The following KDM5A variants were observed in gnomAD, a reference collection of about 807,000 sequenced individuals.
The protein encoded by KDM5A is lysine-specific demethylase 5A.
In KDM5A, 42 loss-of-function variants were observed where a neutral mutation model predicts 193.5. The observed-to-expected ratio is 0.22, with a 90% CI of 0.17 to 0.28. The LOEUF (loss-of-function observed/expected upper bound fraction) is 0.28, where lower values mean the gene tolerates loss of function less well. Among genes scored for constraint, KDM5A ranks in the 10% least tolerant of loss-of-function variants. The pLI, the probability that KDM5A is intolerant of heterozygous loss-of-function variation, is 1.00. For synonymous variants in KDM5A, 796 were observed against 718.1 expected (o/e 1.11, Z -1.73); for missense variants, 1,692 against 2,055.1 (o/e 0.82, Z 3.42).
In KDM5A at chr12:280,061, T is replaced by C. The variant is rs975377063; in HGVS notation, c.*5395A>G. ...GAAATTTCATGGAACTTTAAGGAAA[T>C]ATTAAATCAAGTCTTTCTTCCTACC... On this transcript the variant is annotated 3_prime_UTR_variant, in exon 28 of 28. Coordinates refer to ENST00000399788, the MANE Select transcript of KDM5A (RefSeq NM_001042603.3). 2.3e-5 allele frequency: 5 copies of C among 213,108 alleles called. No homozygotes were observed. The highest frequency in any genetic ancestry group is 1.1e-4 in the African/African-American group (5 of 44,308). 13.2% of individuals were successfully genotyped at this position (213,108 alleles called of 1,614,324 possible). A position where few individuals can be genotyped will look rare whatever the true frequency, so the allele number is the denominator to read the frequency against.
intron 24 of KDM5A, among the ~76,000 whole-genome samples, chr12:298,446 A>T (rs890379204): frequency 2.7e-5 from 4 of 150,808 alleles, no homozygotes; most frequent in African/African-American, 9.8e-5. Context: ...GCACACCTGC[A>T]GCAGAGGGGC....
rs1303801549 is a variant in KDM5A at position 280,752 on chromosome 12, A to T, written c.*4704T>A. 1 of 232,946 alleles carries T rather than the reference A, an allele frequency of 4.3e-6. No individual in the cohort carries two copies. Among genetic ancestry groups the T allele is most frequent in the Non-Finnish European group, 8.5e-6 (1 of 117,898 alleles). The allele number at this position is 232,946 out of a possible 1,614,324, so 14.4% of individuals were successfully genotyped here. ...CAAAGGGATAAACTTCTCAAGAACC[A>T]AAAGTGAGGAAATGTGTTGGTCATC... On this transcript the variant is annotated 3_prime_UTR_variant, in exon 28 of 28. Transcript: ENST00000399788.
rs1031946964 is a variant in KDM5A, at chr12:311,209, A to G, written c.3037-145T>C. ...TAATTCCATCTCTTGAATTAATATA[A>G]CTTCCAATGTCCTATTTTTTAAAGT... is the stretch of plus-strand genomic sequence containing the variant. On this transcript the variant is annotated intron_variant, in intron 20 of 27. Transcript: ENST00000399788. The G allele has an allele frequency of 4.2e-6, 3 of 720,904 alleles. No individual in the cohort carries two copies. In the Admixed American group the frequency reaches 7.6e-5, roughly 18 times the overall value. The allele number at this position is 720,904 out of a possible 1,614,324, so 44.7% of individuals were successfully genotyped here.
intron 14 of KDM5A, among the ~76,000 whole-genome samples, chr12:326,654 G>C (rs1351213446): frequency 6.6e-6 from 1 of 152,136 alleles, no homozygotes; most frequent in Non-Finnish European, 1.5e-5. Context: ...GAGGTCAGGA[G>C]ATCGAGACCA....
At chr12:308,078 G>A in intron 22 of KDM5A, 73 bp from the exon 23 acceptor site, 2 of 1,491,532 alleles carry the variant, frequency 1.3e-6, no homozygotes, top group East Asian at 2.3e-5. Context: ...CCTCAAGGCT[G>A]TGGGATCTTT....
intron 3 of KDM5A, among the ~76,000 whole-genome samples, chr12:380,578 G>A (rs770557691): frequency 1.3e-5 from 2 of 151,972 alleles, no homozygotes; most frequent in African/African-American, 2.4e-5. Context: ...TTAGCTGGGT[G>A]TGGTGGCACA....
intron 3 of KDM5A, among the ~76,000 whole-genome samples, chr12:374,914 G>T (rs1333197994): frequency 6.6e-6 from 1 of 151,998 alleles, no homozygotes; most frequent in African/African-American, 2.4e-5. Flanking sequence ...CCCACTCTCT[G>T]CTGGCTTGCA....
chr12:284,634 TTCTC>T lies in KDM5A; in HGVS notation c.*818_*821del, dbSNP rs1229742193. ...ACGACTGGTCATCATCGTCATCTTC[TTCTC>T]TTTTTTTTTTTGGCAGAAGCCTGGA... is the stretch of plus-strand genomic sequence containing the variant. On this transcript the variant is annotated 3_prime_UTR_variant, in exon 28 of 28. Transcript: ENST00000399788. 1.1e-4 allele frequency: 25 copies of T among 232,826 alleles called. No homozygotes were observed. Among genetic ancestry groups the T allele is most frequent in the African/African-American group, 4.7e-4 (21 of 45,006 alleles). 14.4% of individuals were successfully genotyped at this position (232,826 alleles called of 1,614,324 possible). A position where few individuals can be genotyped will look rare whatever the true frequency, so the allele number is the denominator to read the frequency against.
In KDM5A at chr12:328,864, T is replaced by C. The variant is rs1469353891; in HGVS notation, c.1939A>G (p.Thr647Ala). 1 of 1,614,140 alleles carries C rather than the reference T, an allele frequency of 6.2e-7. No homozygotes were observed. The highest frequency in any genetic ancestry group is 8.5e-7 in the Non-Finnish European group (1 of 1,180,032). ...KELTLMTEEE[T>A]RLRESVVQMG... ...TGTACAACAGACTCTCTTAATCGTG[T>C]TTCTTCTTCAGTCATGAGAGTCAAT... The change falls in exon 14 of 28, where the codon ACA becomes GCA. Residue 647 changes from threonine to alanine, a missense_variant. Thr to Ala is a moderately conservative substitution (Grantham distance 58). This residue lies in a region of KDM5A where 88 missense variants were observed against 124.6 expected (regional missense o/e 0.71). Coordinates refer to ENST00000399788, the MANE Select transcript of KDM5A (RefSeq NM_001042603.3).
intron 3 of KDM5A, among the ~76,000 whole-genome samples, chr12:370,688 C>T (rs1944416842): frequency 1.3e-5 from 2 of 151,896 alleles, no homozygotes; most frequent in South Asian, 2.1e-4. Flanking sequence ...CATATGTATA[C>T]GTGTGCCACG....
rs2137507827 is a variant in KDM5A at position 388,997 on chromosome 12, G to C, written c.95C>G (p.Pro32Arg). 1 of 1,614,128 alleles carries C rather than the reference G, an allele frequency of 6.2e-7. No individual in the cohort carries two copies. Among genetic ancestry groups the C allele is most frequent in the Non-Finnish European group, 8.5e-7 (1 of 1,180,016 alleles). ...FEPSWEEFTD[P>R]LSFIGRIRPL... Reference sequence around the variant, plus strand: ...CCGGATGCGGCCGATAAAGCTGAGCGGATCTGTGAACTCCTCCCAACTCGG... The same window carrying C: ...CCGGATGCGGCCGATAAAGCTGAGCCGATCTGTGAACTCCTCCCAACTCGG... Residue 32 changes from proline (P) to arginine (R), a missense_variant, in exon 1 of 28, where the codon CCG becomes CGG. This residue lies in a region of KDM5A where 84 missense variants were observed against 68.2 expected (regional missense o/e 1.23). Transcript: ENST00000399788.
intron 10 of KDM5A, among the ~76,000 whole-genome samples, chr12:341,428 A>G (rs1011684719): frequency 5.9e-5 from 9 of 152,154 alleles, no homozygotes; most frequent in African/African-American, 2.2e-4. Flanking sequence ...TTCTCTAATC[A>G]ATATTATCCT....
At chr12:301,940 A>C (rs1025518840) in intron 24 of KDM5A, among the ~76,000 whole-genome samples, 3 of 152,220 alleles carry the variant, frequency 2.0e-5, no homozygotes, top group Non-Finnish European at 4.4e-5. Flanking sequence ...AAAAAGAATA[A>C]AATACCTAGG....
rs752537719 is a variant in KDM5A at position 318,342 on chromosome 12, T to C, written c.2661A>G (p.Glu887=). 2 of 1,613,982 alleles carry C rather than the reference T, an allele frequency of 1.2e-6. No individual in the cohort carries two copies. The highest frequency in any genetic ancestry group is 1.7e-6 in the Non-Finnish European group (2 of 1,179,978). The part of the protein sequence containing the change: ...LIDMGSSLYV[E]LPELPRLKQE... ...GCTTCAGTCGTGGTAATTCAGGGAG[T>C]TCCACATAGAGACTAGAGCCCATAT... The change falls in exon 19 of 28, where the codon GAA becomes GAG. Residue 887 remains glutamate (E), a synonymous_variant. Coordinates refer to ENST00000399788, the MANE Select transcript of KDM5A (RefSeq NM_001042603.3).
chr12:350,498 G>T, intron 10 of KDM5A, 123 bp downstream of exon 10: 3 of 878,584 alleles, frequency 3.4e-6, no homozygotes, highest in Non-Finnish European at 5.5e-6. Context: ...CAAAACTGAA[G>T]ATTATTTATA....
rs944176925 is a variant in KDM5A, at chr12:389,245, T to G, written c.-154A>C. ...ACACAGAAACCCCAGAATCGCTTCC[T>G]CCTCCCGTTTGTTATTGTTTCTTGC... On this transcript the variant is annotated 5_prime_UTR_variant, in exon 1 of 28. Transcript: ENST00000399788. 9 of 779,396 alleles carry G rather than the reference T, an allele frequency of 1.2e-5. No individual in the cohort carries two copies. The highest frequency in any genetic ancestry group is 2.0e-5 in the Non-Finnish European group (9 of 446,394). The allele number at this position is 779,396 out of a possible 1,614,324, so 48.3% of individuals were successfully genotyped here.
At chr12:306,316 C>T (rs1447711716) in intron 24 of KDM5A, among the ~76,000 whole-genome samples, 2 of 152,014 alleles carry the variant, frequency 1.3e-5, no homozygotes, top group African/African-American at 2.4e-5. Flanking sequence ...CAGACTTTCA[C>T]AACTCAAAGA....
Position 307,391 on chromosome 12 carries a change from A to G in KDM5A, c.3930+63T>C, listed in dbSNP as rs1943520794. On this transcript the variant is annotated intron_variant, in intron 23 of 27. Transcript: ENST00000399788. This position sits in a 1 kb window ranked among gnomAD's most constrained non-coding sequence, Gnocchi z 4.3. ...CTAATCAATTGGTAAGACAGACTCA[A>G]TTTACTATTTATACACTGACATATC... 6.6e-7 allele frequency: 1 copy of G among 1,517,398 alleles called. No homozygotes were observed. Among genetic ancestry groups the G allele is most frequent in the Non-Finnish European group, 9.1e-7 (1 of 1,094,480 alleles). The allele number at this position is 1,517,398 out of a possible 1,614,324, so 94.0% of individuals were successfully genotyped here.
Position 285,360 on chromosome 12 carries a change from A to C in KDM5A, c.*96T>G. ...TTCTCTGAAGGCCATTCATCTTTGGAAGCAACATTCCAAGTGGATATAAAC... is the reference window on the plus strand; with the variant it reads ...TTCTCTGAAGGCCATTCATCTTTGGCAGCAACATTCCAAGTGGATATAAAC... On this transcript the variant is annotated 3_prime_UTR_variant, in exon 28 of 28. Coordinates refer to ENST00000399788, the MANE Select transcript of KDM5A (RefSeq NM_001042603.3). 1.8e-6 allele frequency: 2 copies of C among 1,088,258 alleles called. No individual in the cohort carries two copies. Among genetic ancestry groups the C allele is most frequent in the Admixed American group, 3.7e-5 (2 of 54,260 alleles). 67.4% of individuals were successfully genotyped at this position (1,088,258 alleles called of 1,614,324 possible).
Sources: gnomAD v4.1 joint callset for allele counts (sites outside exome capture counted in the v4.1 genomes callset) on GRCh38, gnomAD v4.1.1 for gene constraint, gnomAD v4.1.1 regional missense constraint, Gnocchi (gnomAD v3.1) non-coding constraint, MANE v1.5 for transcripts, NCBI Gene and HGNC (gene_info 2026-07-23, HGNC 2026-07-21) for gene names.